The following PRICKLE2 variants were observed in gnomAD, a reference collection of about 807,000 sequenced individuals.
The protein encoded by PRICKLE2 is prickle planar cell polarity protein 2, also known as prickle-like protein 2.
Under a neutral mutation model 81.4 loss-of-function variants are expected in PRICKLE2, and 21 were observed. The ratio of observed to expected loss-of-function variants is 0.26; its 90% CI spans 0.18 to 0.37. PRICKLE2 has a LOEUF of 0.37. Ranked by LOEUF, PRICKLE2 falls within the 10% of genes least tolerant of loss-of-function variation. PRICKLE2 has a pLI of 1.00. For missense variants in PRICKLE2, 940 were observed against 1,109.0 expected (o/e 0.85, Z 2.16); for synonymous variants, 456 against 421.5 (o/e 1.08, Z -1.00).
intron 2 of PRICKLE2, among the ~76,000 whole-genome samples, chr3:64,189,875 G>C (rs153723): frequency 0.37 from 55,940 of 151,986 alleles, 10,840 homozygotes; most frequent in East Asian, 0.49. Context: ...GTTGCCCTAT[G>C]TGCACCTGGG....
chr3:64,114,725 T>G lies in PRICKLE2; in HGVS notation c.1661-14800A>C, dbSNP rs1300277432. 3.9e-5 allele frequency among the ~76,000 whole-genome samples: 6 copies of G among 152,032 alleles called. No homozygotes were observed. The East Asian group carries it at 5.8e-4, about 15-fold the overall frequency. On this transcript the variant is annotated intron_variant, in intron 7 of 7. Transcript: ENST00000638394. ...AACCTTTGAGAAATATGGGATTATGTAAAGGGACCAAATCTATGACTGATT... is the reference window on the plus strand; with the variant it reads ...AACCTTTGAGAAATATGGGATTATGGAAAGGGACCAAATCTATGACTGATT...
At chr3:64,206,291 A>G (rs572690023) in intron 1 of PRICKLE2, among the ~76,000 whole-genome samples, 6 of 152,290 alleles carry the variant, frequency 3.9e-5, no homozygotes, top group Non-Finnish European at 5.9e-5. Context: ...ACTCTTCTGT[A>G]GTAGCCTCCT....
intron 7 of PRICKLE2, among the ~76,000 whole-genome samples, chr3:64,128,624 G>A (rs1338715437): frequency 6.6e-6 from 1 of 151,588 alleles, no homozygotes; most frequent in East Asian, 2.0e-4. Context: ...GTATGCACCT[G>A]TAATCCAGCT....
At chr3:64,215,695 A>C (rs991739841) in intron 1 of PRICKLE2, among the ~76,000 whole-genome samples, 1 of 152,232 alleles carries the variant, frequency 6.6e-6, no homozygotes, top group Non-Finnish European at 1.5e-5. Context: ...GTGTTTGGCC[A>C]AGATCACATT....
intron 7 of PRICKLE2, among the ~76,000 whole-genome samples, chr3:64,136,515 T>A (rs754813492): frequency 6.6e-6 from 1 of 150,634 alleles, no homozygotes; most frequent in Non-Finnish European, 1.5e-5. Context: ...ATGGAGTGGA[T>A]AGTTTATTGT....
Position 64,147,840 on chromosome 3 carries a change from C to G in PRICKLE2, c.788-138G>C, listed in dbSNP as rs2077483187. ...ACTGTCAATAAATCAACAATCAGAC[C>G]CTTATGTAAATGGTATTCACGTCCT... On this transcript the variant is annotated intron_variant, in intron 6 of 7. Transcript: ENST00000638394. This position sits in a 1 kb window ranked among gnomAD's most constrained non-coding sequence, Gnocchi z 5.0. 5 of 899,840 alleles carry G rather than the reference C, an allele frequency of 5.6e-6. No individual in the cohort carries two copies. The highest frequency in any genetic ancestry group is 8.9e-6 in the Non-Finnish European group (5 of 560,816). The allele number at this position is 899,840 out of a possible 1,614,324, so 55.7% of individuals were successfully genotyped here.
chr3:64,243,161 A>G (rs1216049763), intron 2 of PRICKLE2, among the ~76,000 whole-genome samples: 2 of 152,258 alleles, frequency 1.3e-5, no homozygotes, highest in African/African-American at 4.8e-5. Flanking sequence ...CCTTGAAGAC[A>G]GCTTTTTAAA....
chr3:64,132,771 C>T (rs2106988771), intron 7 of PRICKLE2, among the ~76,000 whole-genome samples: 1 of 152,288 alleles, frequency 6.6e-6, no homozygotes, highest in Non-Finnish European at 1.5e-5. Context: ...ACCAGCATGG[C>T]CCCCTCTTAA....
At chr3:64,264,061 C>G (rs539439658) in intron 2 of PRICKLE2, among the ~76,000 whole-genome samples, 10 of 152,138 alleles carry the variant, frequency 6.6e-5, no homozygotes, top group South Asian at 2.1e-4. Flanking sequence ...CCCCACCCCC[C>G]ACTCCACAAC....
chr3:64,097,462 C>T lies in PRICKLE2; in HGVS notation c.*1589G>A, dbSNP rs62249882. ...AGGTGGGTCATCCGATGGATTATTT[C>T]AACTGCCACAATCCATTAAGGGGAG... On this transcript the variant is annotated 3_prime_UTR_variant, in exon 8 of 8. Coordinates refer to ENST00000638394, the MANE Select transcript of PRICKLE2 (RefSeq NM_198859.4). 6,175 of 152,670 alleles carry T rather than the reference C, an allele frequency of 0.04. 162 individuals carry two copies. The highest frequency in any genetic ancestry group is 0.066 in the Non-Finnish European group (4,499 of 68,016). 9.5% of individuals were successfully genotyped at this position (152,670 alleles called of 1,614,324 possible). A position where few individuals can be genotyped will look rare whatever the true frequency, so the allele number is the denominator to read the frequency against.
intron 2 of PRICKLE2, among the ~76,000 whole-genome samples, chr3:64,177,528 A>T (rs2078047821): frequency 6.6e-6 from 1 of 152,084 alleles, no homozygotes; most frequent in South Asian, 2.1e-4. Flanking sequence ...AAACTTTTTC[A>T]TCATGTTAAA....
intron 2 of PRICKLE2, among the ~76,000 whole-genome samples, chr3:64,173,752 C>T (rs1273607901): frequency 6.6e-6 from 1 of 152,132 alleles, no homozygotes; most frequent in Non-Finnish European, 1.5e-5. Flanking sequence ...TTCAACGGTC[C>T]CAGCAAATCA....
At chr3:64,196,082 T>A (rs993673938) in intron 2 of PRICKLE2, among the ~76,000 whole-genome samples, 2 of 152,198 alleles carry the variant, frequency 1.3e-5, no homozygotes, top group Non-Finnish European at 2.9e-5. Flanking sequence ...TTTGGATGAG[T>A]CAAGGGACCT....
chr3:64,178,665 G>A lies in PRICKLE2; in HGVS notation c.145-15536C>T, dbSNP rs1447956218. ...TTACATTTTGCAAAGGTAAACACAA[G>A]TGATTCTCTTTATTCATGGCAGTTA... On this transcript the variant is annotated intron_variant, in intron 2 of 7. Transcript: ENST00000638394. Among the ~76,000 whole-genome samples the A allele has an allele frequency of 2.0e-5, 3 of 152,192 alleles. No individual in the cohort carries two copies. In the East Asian group the frequency reaches 5.8e-4, roughly 29 times the overall value.
chr3:64,119,964 C>T (rs1429893693), intron 7 of PRICKLE2, among the ~76,000 whole-genome samples: 1 of 152,104 alleles, frequency 6.6e-6, no homozygotes, highest in Admixed American at 6.6e-5. Flanking sequence ...GAACAAAAAA[C>T]GAATTACCAC....
Position 64,098,946 on chromosome 3 carries a change from C to T in PRICKLE2, c.*105G>A, listed in dbSNP as rs1020916403. On this transcript the variant is annotated 3_prime_UTR_variant, in exon 8 of 8. Coordinates refer to ENST00000638394, the MANE Select transcript of PRICKLE2 (RefSeq NM_198859.4). ...CTACTGACAGCATTTTCCCTTTTCT[C>T]CCCCATAAGCCACCCCCAAAAGCGC... The T allele has an allele frequency of 2.2e-6, 3 of 1,361,150 alleles. No individual in the cohort carries two copies. Among genetic ancestry groups the T allele is most frequent in the Non-Finnish European group, 3.1e-6 (3 of 955,148 alleles). 84.3% of individuals were successfully genotyped at this position (1,361,150 alleles called of 1,614,324 possible).
At chr3:64,117,256 C>G (rs1284594260) in intron 7 of PRICKLE2, among the ~76,000 whole-genome samples, 1 of 152,162 alleles carries the variant, frequency 6.6e-6, no homozygotes, top group Non-Finnish European at 1.5e-5. Context: ...ACTGAATGGG[C>G]AAAAGCTGGA....
intron 1 of PRICKLE2, among the ~76,000 whole-genome samples, chr3:64,205,132 T>A (rs1179488451): frequency 6.6e-6 from 1 of 150,632 alleles, no homozygotes; most frequent in African/African-American, 2.4e-5. Context: ...AAAGGGTGCA[T>A]TGGCTTCATT....
chr3:64,114,202 A>G (rs1404898482), intron 7 of PRICKLE2, among the ~76,000 whole-genome samples: 1 of 152,162 alleles, frequency 6.6e-6, no homozygotes, highest in African/African-American at 2.4e-5. Context: ...GATTAAGAAA[A>G]AAAAAAAAAC....
Sources: allele counts gnomAD v4.1 joint callset (sites outside exome capture counted in the v4.1 genomes callset), GRCh38; gene constraint gnomAD v4.1.1; non-coding constraint Gnocchi (gnomAD v3.1); transcripts MANE v1.5; gene names NCBI Gene and HGNC (gene_info 2026-07-23, HGNC 2026-07-21).